The following PTPRN2 variants were observed in gnomAD, a reference collection of about 807,000 sequenced individuals.
The protein encoded by PTPRN2 is receptor-type tyrosine-protein phosphatase N2.
A neutral mutation model predicts 118.8 loss-of-function variants in PTPRN2; 74 were observed. That is an observed-to-expected ratio of 0.62 (90% CI 0.52 to 0.76). The LOEUF is 0.76. PTPRN2 is among the 30% of genes least tolerant of loss of function. PTPRN2 has a pLI of 0.00. For synonymous variants in PTPRN2, 641 were observed against 608.0 expected (o/e 1.05, Z -0.80); for missense variants, 1,481 against 1,394.4 (o/e 1.06, Z -0.99).
rs186991770 is a variant in PTPRN2 at position 157,952,350 on chromosome 7, A to G, written c.1724-53613T>C. Among the ~76,000 whole-genome samples the G allele has an allele frequency of 4.5e-3, 653 of 145,304 alleles. 7 individuals carry two copies. Among genetic ancestry groups the G allele is most frequent in the African/African-American group, 0.012 (457 of 39,398 alleles). On this transcript the variant is annotated intron_variant, in intron 11 of 22. Transcript: ENST00000389418. ...CGCCTGAGACAGGGTGGGGGACACG[A>G]AGGGAGACAGGCGAGGGTGGGACAG...
At chr7:157,909,370 G>C (rs1797952957) in intron 11 of PTPRN2, among the ~76,000 whole-genome samples, 1 of 152,342 alleles carries the variant, frequency 6.6e-6, no homozygotes, top group Admixed American at 6.5e-5. Flanking sequence ...GCTGGACAGG[G>C]GCTGACTCTA....
chr7:158,459,009 G>A (rs1489430452), intron 2 of PTPRN2, among the ~76,000 whole-genome samples: 1 of 152,208 alleles, frequency 6.6e-6, no homozygotes, highest in Non-Finnish European at 1.5e-5. Context: ...ATCTGTGGGG[G>A]CACAGGAGAG....
chr7:158,522,442 T>C (rs1824266992), intron 1 of PTPRN2, among the ~76,000 whole-genome samples: 1 of 151,770 alleles, frequency 6.6e-6, no homozygotes, highest in Non-Finnish European at 1.5e-5. Flanking sequence ...CACATCGGAA[T>C]GGTAGACTGT....
At chr7:157,900,271 C>T (rs1042016496) in intron 11 of PTPRN2, among the ~76,000 whole-genome samples, 1 of 152,212 alleles carries the variant, frequency 6.6e-6, no homozygotes, top group South Asian at 2.1e-4. Context: ...GTGGAGGTAG[C>T]TGCAGACCAC....
At position 158,302,440 on chromosome 7, in the gene PTPRN2, G is replaced by A. The variant is rs1162708788; in HGVS notation, c.277+14379C>T. Among the ~76,000 whole-genome samples, 5 of 152,328 alleles carry A rather than the reference G, an allele frequency of 3.3e-5. No homozygotes were observed. The South Asian group carries it at 6.2e-4, about 19-fold the overall frequency. ...GCAGAGCACCTCACAGGATCAGCTC[G>A]GTCCTCTTAAACTGCATTCCAGCTC... On this transcript the variant is annotated intron_variant, in intron 3 of 22. Coordinates refer to ENST00000389418, the MANE Select transcript of PTPRN2 (RefSeq NM_002847.5).
intron 2 of PTPRN2, among the ~76,000 whole-genome samples, chr7:158,379,866 C>G (rs769540859): frequency 1.8e-3 from 271 of 152,186 alleles, no homozygotes; most frequent in Non-Finnish European, 3.4e-3. Flanking sequence ...GCTGGGGGGG[C>G]CTCACAATCA....
intron 2 of PTPRN2, among the ~76,000 whole-genome samples, chr7:158,398,629 CA>C (rs1812710229): frequency 6.6e-6 from 1 of 152,212 alleles, no homozygotes; most frequent in Non-Finnish European, 1.5e-5. Flanking sequence ...GGGAAATGAG[CA>C]AACCTCTAAC....
intron 11 of PTPRN2, among the ~76,000 whole-genome samples, chr7:158,040,736 C>CT (rs58192875): frequency 0.015 from 2,149 of 142,198 alleles, 78 homozygotes; most frequent in East Asian, 0.089. Context: ...TTTTTTCTTT[C>CT]TTTTTTTTTT....
At position 158,396,525 on chromosome 7, in the gene PTPRN2, G is replaced by A. The variant is rs554717477; in HGVS notation, c.164-79593C>T. On this transcript the variant is annotated intron_variant, in intron 2 of 22. Transcript: ENST00000389418. ...GAGGGAGCGAGCTGCTCCCCTCCTC[G>A]CCGAGTGAGTTTTGTGCCTTGCCCG... 2.3e-4 allele frequency among the ~76,000 whole-genome samples: 35 copies of A among 152,046 alleles called. 1 individual carries two copies. The highest frequency in any genetic ancestry group is 1.5e-3 in the Admixed American group (23 of 15,286).
chr7:157,748,325 AGAGGG>A (rs1801157718), intron 12 of PTPRN2, among the ~76,000 whole-genome samples: 1 of 42,502 alleles, frequency 2.4e-5, no homozygotes, highest in African/African-American at 9.4e-5. Flanking sequence ...ATCTCTGAGC[AGAGGG>A]GTGTCCGGGC....
intron 3 of PTPRN2, among the ~76,000 whole-genome samples, chr7:158,274,074 C>A (rs1481606486): frequency 1.4e-5 from 2 of 139,196 alleles, no homozygotes; most frequent in Admixed American, 7.2e-5. Context: ...ACAGGGGGAG[C>A]CGCAGACACA....
At chr7:158,202,587 T>C (rs1057427892) in intron 4 of PTPRN2, among the ~76,000 whole-genome samples, 2 of 152,070 alleles carry the variant, frequency 1.3e-5, no homozygotes, top group Non-Finnish European at 2.9e-5. Flanking sequence ...ATGAAGCCCA[T>C]AGCAGGGCAG....
intron 12 of PTPRN2, among the ~76,000 whole-genome samples, chr7:157,719,931 C>T (rs1799139716): frequency 6.7e-6 from 1 of 150,254 alleles, no homozygotes; most frequent in Non-Finnish European, 1.5e-5. Context: ...AAGTCTGAGG[C>T]ATTATAATAG....
intron 21 of PTPRN2, among the ~76,000 whole-genome samples, chr7:157,559,656 G>A (rs1799079915): frequency 6.6e-6 from 1 of 152,158 alleles, no homozygotes; most frequent in Admixed American, 6.5e-5. Flanking sequence ...AAGTGCGCAG[G>A]CCGGGCCAGC....
chr7:158,269,790 A>G (rs1798171923), intron 3 of PTPRN2, among the ~76,000 whole-genome samples: 3 of 152,098 alleles, frequency 2.0e-5, no homozygotes, highest in Admixed American at 1.3e-4. Context: ...AGAGAGACAA[A>G]GGGAGCAGGA....
chr7:157,834,136 C>G (rs562257619), intron 12 of PTPRN2, among the ~76,000 whole-genome samples: 608 of 148,506 alleles, frequency 4.1e-3, no homozygotes, highest in Middle Eastern at 0.01. Flanking sequence ...TCCCTGTGAT[C>G]AATCCATCAA....
chr7:157,876,042 G>A (rs1795745058), intron 12 of PTPRN2, among the ~76,000 whole-genome samples: 1 of 152,200 alleles, frequency 6.6e-6, no homozygotes, highest in South Asian at 2.1e-4. Context: ...GTGGCCTAGA[G>A]GTGTTCCTGG....
In PTPRN2 at chr7:158,110,845, C is replaced by T. The variant is rs373563129; in HGVS notation, c.1627G>A (p.Ala543Thr). The T allele has an allele frequency of 7.9e-5, 125 of 1,588,922 alleles. 1 individual carries two copies. Among genetic ancestry groups the T allele is most frequent in the African/African-American group, 3.9e-4 (29 of 74,566 alleles). ...VARLLQVPSS[A>T]FADVEVLGPA... is the part of the protein sequence containing the mutation. ...CGTACTTACTCCACGTCAGCGAACG[C>T]ACTGCTGGGCACCTGCAGGAGGCGG... The change falls in exon 10 of 23, where the codon GCG becomes ACG. Residue 543 changes from alanine to threonine, a missense_variant. Ala to Thr is a moderately conservative substitution (Grantham distance 58). This residue lies in a region of PTPRN2 where 1,115 missense variants were observed against 994.2 expected (regional missense o/e 1.12). Transcript: ENST00000389418.
intron 2 of PTPRN2, among the ~76,000 whole-genome samples, chr7:158,335,312 A>T (rs374867253): frequency 1.3e-3 from 18 of 14,360 alleles, no homozygotes; most frequent in South Asian, 3.8e-3. Flanking sequence ...CCCACAGAGG[A>T]CACTCACACC....
Sources: allele counts gnomAD v4.1 joint callset (sites outside exome capture counted in the v4.1 genomes callset), GRCh38; gene constraint gnomAD v4.1.1; regional missense constraint gnomAD v4.1.1; transcripts MANE v1.5; gene names NCBI Gene and HGNC (gene_info 2026-07-23, HGNC 2026-07-21).